The following KIRREL1 variants were observed in gnomAD, a reference collection of about 807,000 sequenced individuals.
KIRREL1 encodes the protein kirre like nephrin family adhesion molecule 1.
KIRREL1 carries 25 observed loss-of-function variants against 83.3 expected under a neutral mutation model. The ratio of observed to expected loss-of-function variants is 0.30; its 90% CI spans 0.22 to 0.42. The LOEUF is 0.42. Among genes scored for constraint, KIRREL1 ranks in the 10% least tolerant of loss-of-function variants. KIRREL1 has a pLI of 1.00. For missense variants in KIRREL1, 812 were observed against 1,032.3 expected (o/e 0.79, Z 2.92); for synonymous variants, 388 against 410.4 (o/e 0.95, Z 0.66).
chr1:158,068,093 A>G (rs1470530068), intron 1 of KIRREL1, among the ~76,000 whole-genome samples: 1 of 152,194 alleles, frequency 6.6e-6, no homozygotes, highest in Non-Finnish European at 1.5e-5. Context: ...AAGGACCAGC[A>G]GTGGGAAGGC....
At chr1:158,069,060 C>A (rs1170684209) in intron 1 of KIRREL1, among the ~76,000 whole-genome samples, 6 of 152,132 alleles carry the variant, frequency 3.9e-5, no homozygotes, top group Non-Finnish European at 8.8e-5. Flanking sequence ...GCCGCCTGGT[C>A]CCCTGGCATC....
chr1:158,079,655 G>A (rs1661786829), intron 3 of KIRREL1, among the ~76,000 whole-genome samples: 1 of 152,200 alleles, frequency 6.6e-6, no homozygotes, highest in Non-Finnish European at 1.5e-5. Context: ...AAGGAGGGAG[G>A]TGAGAACATA....
intron 11 of KIRREL1, among the ~76,000 whole-genome samples, chr1:158,093,004 G>A (rs1241227362): frequency 6.6e-6 from 1 of 152,152 alleles, no homozygotes; most frequent in African/African-American, 2.4e-5. Flanking sequence ...AGAGCGAGGG[G>A]CCAAGCATCA....
At chr1:158,024,814 C>T (rs550276475) in intron 1 of KIRREL1, among the ~76,000 whole-genome samples, 1 of 152,308 alleles carries the variant, frequency 6.6e-6, no homozygotes, top group African/African-American at 2.4e-5. Context: ...TGAAGCAGCT[C>T]AGCACCAGTG....
chr1:158,069,274 G>A (rs1287699678), intron 1 of KIRREL1, among the ~76,000 whole-genome samples: 1 of 151,464 alleles, frequency 6.6e-6, no homozygotes, highest in African/African-American at 2.4e-5. Flanking sequence ...TATGGTACAT[G>A]TGTCCCTATA....
intron 1 of KIRREL1, among the ~76,000 whole-genome samples, chr1:158,029,209 G>A (rs540022255): frequency 2.2e-3 from 52 of 23,618 alleles, no homozygotes; most frequent in East Asian, 0.02. Context: ...AAGGGTAAGC[G>A]CATTCAGGCA....
intron 1 of KIRREL1, among the ~76,000 whole-genome samples, chr1:158,049,863 G>A (rs1327084528): frequency 6.6e-6 from 1 of 152,072 alleles, no homozygotes; most frequent in Non-Finnish European, 1.5e-5. Flanking sequence ...GGGTCGGTGA[G>A]CAGAAAGACT....
intron 1 of KIRREL1, among the ~76,000 whole-genome samples, chr1:158,069,302 T>TGTGTGTGTGTG (rs1661441927): frequency 7.0e-6 from 1 of 143,292 alleles, no homozygotes; most frequent in Non-Finnish European, 1.5e-5. Flanking sequence ...TATGACGTAC[T>TGTGTGTGTGTG]TGTGTGTGTG....
rs1280465440 is a variant in KIRREL1, at chr1:158,096,431, GC to G, written c.*1312del. ...CCACTTTCAGTGCCTTGAGTGTCAA[GC>G]TTTGGATGACCGACCCTATGTGGGC... is the stretch of plus-strand genomic sequence containing the variant. On this transcript the variant is annotated 3_prime_UTR_variant, in exon 15 of 15. Transcript: ENST00000359209. The G allele has an allele frequency of 1.4e-5, 5 of 365,658 alleles. 1 individual carries two copies. The highest frequency in any genetic ancestry group is 2.7e-5 in the Non-Finnish European group (5 of 183,940). The allele number at this position is 365,658 out of a possible 1,614,324, so 22.7% of individuals were successfully genotyped here. A position where few individuals can be genotyped will look rare whatever the true frequency, so the allele number is the denominator to read the frequency against.
At chr1:158,047,264 G>A (rs936894046) in intron 1 of KIRREL1, among the ~76,000 whole-genome samples, 13 of 152,174 alleles carry the variant, frequency 8.5e-5, no homozygotes, top group Admixed American at 4.6e-4. Flanking sequence ...TAGGCACCAG[G>A]GGTCGTCATG....
At chr1:158,064,532 T>C (rs1462107966) in intron 1 of KIRREL1, among the ~76,000 whole-genome samples, 2 of 152,244 alleles carry the variant, frequency 1.3e-5, no homozygotes, top group Non-Finnish European at 2.9e-5. Flanking sequence ...AAATATTACC[T>C]AGAGCCCTCC....
rs150705765 is a variant in KIRREL1, at chr1:158,094,807, G to A, written c.1961G>A (p.Ser654Asn). Residue 654 changes from serine to asparagine, a missense_variant, in exon 15 of 15, where the codon AGC (serine) becomes AAC (asparagine). Around this residue, in one of 3 missense-constraint regions of KIRREL1, gnomAD observed 334 missense variants for 383.7 expected, o/e 0.87. Coordinates refer to ENST00000359209, the MANE Select transcript of KIRREL1 (RefSeq NM_018240.7). The surrounding 1 kb of genome is among the most constrained non-coding windows in gnomAD (Gnocchi z 4.6). ...SSGYAQLNTY[S>N]RGPASDYGPE... ...GGCTATGCCCAGCTCAACACCTATAGCCGGGGCCCTGCCTCTGACTATGGC... is the reference window on the plus strand; with the variant it reads ...GGCTATGCCCAGCTCAACACCTATAACCGGGGCCCTGCCTCTGACTATGGC... The A allele has an allele frequency of 1.9e-6, 3 of 1,613,894 alleles. No homozygotes were observed. Among genetic ancestry groups the A allele is most frequent in the Non-Finnish European group, 2.5e-6 (3 of 1,180,012 alleles).
At chr1:158,081,075 G>A (rs1429859141) in intron 3 of KIRREL1, among the ~76,000 whole-genome samples, 1 of 141,950 alleles carries the variant, frequency 7.0e-6, no homozygotes, top group Non-Finnish European at 1.6e-5. Context: ...AATGGCCTCT[G>A]TCATTCTTCC....
intron 1 of KIRREL1, among the ~76,000 whole-genome samples, chr1:157,994,388 G>C (rs11578195): frequency 6.6e-6 from 1 of 150,738 alleles, no homozygotes; most frequent in African/African-American, 2.4e-5. Context: ...TTGATACAGA[G>C]GGGGGGAACT....
At chr1:158,045,280 T>TG (rs1263195833) in intron 1 of KIRREL1, among the ~76,000 whole-genome samples, 2 of 152,176 alleles carry the variant, frequency 1.3e-5, no homozygotes, top group Admixed American at 6.5e-5. Flanking sequence ...CTAGGGGCTG[T>TG]GGGAACGCCC....
chr1:158,061,996 C>T (rs546819515), intron 1 of KIRREL1, among the ~76,000 whole-genome samples: 2 of 152,152 alleles, frequency 1.3e-5, no homozygotes, highest in Non-Finnish European at 2.9e-5. Flanking sequence ...CAGAGCTGCC[C>T]TGGTGTTCAC....
intron 1 of KIRREL1, among the ~76,000 whole-genome samples, chr1:158,034,896 C>CT (rs932106235): frequency 4.6e-5 from 7 of 152,010 alleles, no homozygotes; most frequent in African/African-American, 1.7e-4. Flanking sequence ...TAAATGTGTA[C>CT]TTTTTTTATT....
intron 2 of KIRREL1, among the ~76,000 whole-genome samples, chr1:158,077,037 G>A (rs1400695050): frequency 6.6e-6 from 1 of 152,208 alleles, no homozygotes; most frequent in Non-Finnish European, 1.5e-5. Context: ...CCTTAGAAGT[G>A]CATTTGTGAG....
intron 1 of KIRREL1, among the ~76,000 whole-genome samples, chr1:158,032,349 G>A (rs898662403): frequency 3.3e-5 from 5 of 152,088 alleles, no homozygotes; most frequent in African/African-American, 9.7e-5. Context: ...TGAGGTTGGG[G>A]TAATGAGAGG....
Sources: gnomAD v4.1 joint callset for allele counts (sites outside exome capture counted in the v4.1 genomes callset) on GRCh38, gnomAD v4.1.1 for gene constraint, gnomAD v4.1.1 regional missense constraint, Gnocchi (gnomAD v3.1) non-coding constraint, MANE v1.5 for transcripts, NCBI Gene and HGNC (gene_info 2026-07-23, HGNC 2026-07-21) for gene names.